The following KAT6A variants were observed in gnomAD, a reference collection of about 807,000 sequenced individuals.
KAT6A encodes the protein lysine acetyltransferase 6A, also known as histone acetyltransferase KAT6A.
In KAT6A, 9 loss-of-function variants were observed where a neutral mutation model predicts 198.4. The ratio of observed to expected loss-of-function variants is 0.05; its 90% CI spans 0.03 to 0.08. KAT6A has a LOEUF of 0.08. Among genes scored for constraint, KAT6A ranks in the 10% least tolerant of loss-of-function variants. The probability of loss-of-function intolerance (pLI) is 1.00; values close to 1 mark genes in which losing one functional copy is unlikely to be tolerated. For synonymous variants in KAT6A, 890 were observed against 883.0 expected (o/e 1.01, Z -0.14); for missense variants, 2,077 against 2,509.9 (o/e 0.83, Z 3.69).
intron 8 of KAT6A, among the ~76,000 whole-genome samples, chr8:41,965,247 C>T (rs745544794): frequency 9.2e-5 from 14 of 152,110 alleles, no homozygotes; most frequent in Non-Finnish European, 1.9e-4. Context: ...TGTAATAAAA[C>T]TTTATTTACG....
intron 16 of KAT6A, among the ~76,000 whole-genome samples, chr8:41,936,588 T>C (rs1270629398): frequency 6.6e-6 from 1 of 152,234 alleles, no homozygotes; most frequent in Non-Finnish European, 1.5e-5. Context: ...ATATGAGACC[T>C]AGTTTCAGTG....
intron 8 of KAT6A, among the ~76,000 whole-genome samples, chr8:41,965,701 G>C (rs1414484744): frequency 3.3e-5 from 5 of 152,208 alleles, no homozygotes; most frequent in African/African-American, 1.2e-4. Context: ...AGATAAGACA[G>C]GGTGGAACAT....
At chr8:41,984,761 G>A (rs370947484) in intron 3 of KAT6A, among the ~76,000 whole-genome samples, 9 of 152,032 alleles carry the variant, frequency 5.9e-5, no homozygotes, top group Non-Finnish European at 1.2e-4. Flanking sequence ...GGAGGATCAC[G>A]AGGTCAGGAG....
At chr8:41,975,763 G>A (rs1416258281) in intron 7 of KAT6A, among the ~76,000 whole-genome samples, 2 of 152,124 alleles carry the variant, frequency 1.3e-5, no homozygotes, top group African/African-American at 4.8e-5. Flanking sequence ...TCACACCACT[G>A]TCAAAAATTC....
At chr8:42,023,448 T>C (rs1826646257) in intron 2 of KAT6A, among the ~76,000 whole-genome samples, 1 of 152,142 alleles carries the variant, frequency 6.6e-6, no homozygotes, top group South Asian at 2.1e-4. Flanking sequence ...GTAATAACAC[T>C]TCACTCAAAA....
intron 2 of KAT6A, among the ~76,000 whole-genome samples, chr8:42,023,168 T>A (rs1457800648): frequency 3.3e-5 from 5 of 152,118 alleles, no homozygotes; most frequent in Non-Finnish European, 4.4e-5. Flanking sequence ...ATATATAAGA[T>A]TTTTTTAAAT....
intron 3 of KAT6A, among the ~76,000 whole-genome samples, chr8:41,984,661 T>C (rs1260599802): frequency 1.3e-5 from 2 of 152,208 alleles, no homozygotes; most frequent in African/African-American, 2.4e-5. Flanking sequence ...TAGTAGTTAA[T>C]TGTTCTACAA....
At chr8:42,045,843 C>A (rs868267747) in intron 2 of KAT6A, among the ~76,000 whole-genome samples, 7 of 149,118 alleles carry the variant, frequency 4.7e-5, no homozygotes, top group Non-Finnish European at 1.0e-4. Context: ...AAAGTAGCCA[C>A]ACGTGGTGGC....
chr8:42,009,141 C>T (rs765427288), intron 2 of KAT6A, among the ~76,000 whole-genome samples: 84 of 152,044 alleles, frequency 5.5e-4, no homozygotes, highest in Non-Finnish European at 8.1e-4. Flanking sequence ...GAGAACATTG[C>T]ATATAAATAA....
chr8:41,968,381 C>T (rs371836589), intron 8 of KAT6A, among the ~76,000 whole-genome samples: 11 of 152,100 alleles, frequency 7.2e-5, no homozygotes, highest in African/African-American at 2.7e-4. Context: ...AAAATGCTCA[C>T]CATCACTGGC....
rs185151901 is a variant in KAT6A, at chr8:42,046,479, T to C, written c.600+1899A>G. Among the ~76,000 whole-genome samples the C allele has an allele frequency of 7.9e-3, 1,197 of 152,246 alleles. 8 individuals are homozygous for C. Among genetic ancestry groups the C allele is most frequent in the Non-Finnish European group, 0.014 (921 of 68,014 alleles). On this transcript the variant is annotated intron_variant, in intron 2 of 16. Transcript: ENST00000265713. ...TGAACCTGGGAGGCGGAGGTTGCAG[T>C]GAGACTGCACCACTGCACTCCAGCC...
At chr8:41,957,222 A>G (rs987848142) in intron 8 of KAT6A, 3 of 577,760 alleles carry the variant, frequency 5.2e-6, no homozygotes, top group Non-Finnish European at 1.0e-5. Context: ...CTCTGCCCAC[A>G]CCCGCCTTTA....
intron 8 of KAT6A, among the ~76,000 whole-genome samples, chr8:41,960,335 T>G (rs1241223749): frequency 6.6e-6 from 1 of 152,004 alleles, no homozygotes; most frequent in East Asian, 1.9e-4. Flanking sequence ...ATCCCAGCAC[T>G]TTGGGAGGCC....
At chr8:41,950,180 C>T (rs1822595645) in intron 9 of KAT6A, among the ~76,000 whole-genome samples, 1 of 152,166 alleles carries the variant, frequency 6.6e-6, no homozygotes, top group African/African-American at 2.4e-5. Flanking sequence ...GTGTTGTTGG[C>T]TACTTTGTTT....
chr8:42,021,147 T>C (rs942424258), intron 2 of KAT6A, among the ~76,000 whole-genome samples: 4 of 152,138 alleles, frequency 2.6e-5, no homozygotes, highest in African/African-American at 9.7e-5. Context: ...CAAAGGAATA[T>C]GATCCAAAAA....
intron 8 of KAT6A, chr8:41,957,146 T>C (rs1303877426): frequency 3.3e-6 from 2 of 599,270 alleles, no homozygotes; most frequent in Non-Finnish European, 6.7e-6. Flanking sequence ...CCAGTTCCAG[T>C]ACAGCTGTTT....
intron 2 of KAT6A, among the ~76,000 whole-genome samples, chr8:41,990,077 A>G (rs1824853802): frequency 6.6e-6 from 1 of 152,106 alleles, no homozygotes; most frequent in South Asian, 2.1e-4. Context: ...ACAACTCTAA[A>G]GAAGGCCTAG....
intron 15 of KAT6A, among the ~76,000 whole-genome samples, chr8:41,938,212 C>T (rs988212278): frequency 1.3e-5 from 2 of 152,322 alleles, no homozygotes; most frequent in Admixed American, 6.5e-5. Flanking sequence ...TTATCTAATC[C>T]AATCCCTTCA....
At chr8:42,012,502 G>C (rs1012878003) in intron 2 of KAT6A, among the ~76,000 whole-genome samples, 4 of 152,182 alleles carry the variant, frequency 2.6e-5, no homozygotes, top group Non-Finnish European at 4.4e-5. Flanking sequence ...GACATGATGT[G>C]AAGAGGCAGA....
Sources: gnomAD v4.1 joint callset for allele counts (sites outside exome capture counted in the v4.1 genomes callset) on GRCh38, gnomAD v4.1.1 for gene constraint, MANE v1.5 for transcripts, NCBI Gene and HGNC (gene_info 2026-07-23, HGNC 2026-07-21) for gene names.